Variants in PLEKHA6 observed in about 807,000 individuals in gnomAD.
PLEKHA6 encodes the protein pleckstrin homology domain-containing family A member 6.
In PLEKHA6, 60 loss-of-function variants were observed where a neutral mutation model predicts 116.7. That is an observed-to-expected ratio of 0.51 (90% CI 0.42 to 0.64). PLEKHA6 has a LOEUF of 0.64. PLEKHA6 is among the 30% of genes least tolerant of loss of function. PLEKHA6 has a pLI of 0.00. For synonymous variants in PLEKHA6, 489 were observed against 556.1 expected, an observed-to-expected ratio of 0.88 and a Z score of 1.70; for missense variants, 1,338 against 1,422.7, an observed-to-expected ratio of 0.94 and a Z score of 0.96.
intron 3 of PLEKHA6, among the ~76,000 whole-genome samples, chr1:204,268,578 CTTT>C (rs68190806): frequency 1.3e-4 from 18 of 136,628 alleles, no homozygotes; most frequent in South Asian, 2.3e-4. Context: ...GTCTCACAGC[CTTT>C]TTTTTTTTTT....
In PLEKHA6 at chr1:204,223,513, T is replaced by C; in HGVS notation, c.3104A>G (p.Glu1035Gly). ...GCTGCTGTCGGCGCCCCGTGGGGAT[T>C]CAGACGACAGGGGGTTTGCTGGAGG... Reference protein sequence around the residue: ...PAPPANPLSSESPRGADSSYT... With the variant: ...PAPPANPLSSGSPRGADSSYT... Residue 1035 changes from glutamate to glycine, a missense_variant, in exon 22 of 23, where the codon GAA becomes GGA. Transcript: ENST00000272203. This position sits in a 1 kb window ranked among gnomAD's most constrained non-coding sequence, Gnocchi z 4.8. 3 of 1,550,602 alleles carry C rather than the reference T, an allele frequency of 1.9e-6. No individual in the cohort carries two copies. Among genetic ancestry groups the C allele is most frequent in the Non-Finnish European group, 2.6e-6 (3 of 1,146,258 alleles).
At chr1:204,360,916 ATCTC>A (rs1291467152), upstream of PLEKHA6, among the ~76,000 whole-genome samples, 1 of 152,178 alleles carries the variant, frequency 6.6e-6, no homozygotes, top group Non-Finnish European at 1.5e-5. Flanking sequence ...CTTTATCCAC[ATCTC>A]TCTCAGTTTT....
intron 17 of PLEKHA6, among the ~76,000 whole-genome samples, chr1:204,240,143 G>C (rs540975499): frequency 3.2e-4 from 48 of 152,300 alleles, no homozygotes; most frequent in Non-Finnish European, 6.2e-4. Flanking sequence ...CTCCACAATG[G>C]AAATAAGGAG....
chr1:204,352,788 T>A (rs1455744987), intron 1 of PLEKHA6, among the ~76,000 whole-genome samples: 1 of 152,062 alleles, frequency 6.6e-6, no homozygotes. Flanking sequence ...AGTTTAAGAC[T>A]AGCCTGGGCA....
At chr1:204,295,405 G>A (rs759406550) in intron 1 of PLEKHA6, among the ~76,000 whole-genome samples, 3 of 151,582 alleles carry the variant, frequency 2.0e-5, no homozygotes, top group South Asian at 4.2e-4. Flanking sequence ...CAAGAGGATC[G>A]CTTGAATCCG....
In PLEKHA6 at chr1:204,250,486, C is replaced by G; in HGVS notation, c.1593+60G>C. The G allele has an allele frequency of 6.0e-6, 7 of 1,161,222 alleles. No individual in the cohort carries two copies. In the South Asian group the frequency reaches 7.5e-5, roughly 12 times the overall value. 71.9% of individuals were successfully genotyped at this position (1,161,222 alleles called of 1,614,324 possible). A position where few individuals can be genotyped will look rare whatever the true frequency, so the allele number is the denominator to read the frequency against. ...AGAGATGGATGGAGAGACAGCCCCC[C>G]GCAGAGGACAGCAGCAGGAGGCTGG... On this transcript the variant is annotated intron_variant, in intron 10 of 22. Transcript: ENST00000272203.
intron 6 of PLEKHA6, among the ~76,000 whole-genome samples, chr1:204,262,691 C>T (rs951909105): frequency 6.6e-6 from 1 of 152,180 alleles, no homozygotes; most frequent in African/African-American, 2.4e-5. Context: ...CCCACCTCGC[C>T]TCCACCTGTC....
chr1:204,234,138 T>C (rs1661609426), intron 17 of PLEKHA6, among the ~76,000 whole-genome samples: 1 of 152,140 alleles, frequency 6.6e-6, no homozygotes, highest in South Asian at 2.1e-4. Flanking sequence ...GGATGGGCCC[T>C]AAATTAAATG....
chr1:204,242,685 A>G (rs1419753315), intron 15 of PLEKHA6, among the ~76,000 whole-genome samples: 3 of 152,244 alleles, frequency 2.0e-5, no homozygotes, highest in South Asian at 2.1e-4. Context: ...ATGAAACCCA[A>G]CGAGGATACA....
chr1:204,265,912 G>C (rs969828230), intron 5 of PLEKHA6, among the ~76,000 whole-genome samples: 6 of 152,204 alleles, frequency 3.9e-5, no homozygotes, highest in East Asian at 3.8e-4. Context: ...TTGGGCCCCA[G>C]CTGGAAGCAG....
intron 1 of PLEKHA6, chr1:204,301,630 G>T (rs1034547040): frequency 3.4e-5 from 7 of 205,122 alleles, no homozygotes; most frequent in Admixed American, 2.0e-4. Context: ...CAGAGAGAAG[G>T]GGGGCTTGAG....
upstream of PLEKHA6, among the ~76,000 whole-genome samples, chr1:204,361,741 C>T (rs1673565033): frequency 6.6e-6 from 1 of 152,242 alleles, no homozygotes; most frequent in East Asian, 1.9e-4. Flanking sequence ...CAGGACTTGG[C>T]AAGGCTGCCA....
chr1:204,284,985 C>T (rs1410839098), intron 1 of PLEKHA6, among the ~76,000 whole-genome samples: 1 of 152,112 alleles, frequency 6.6e-6, no homozygotes, highest in Non-Finnish European at 1.5e-5. Flanking sequence ...TAAATTTGCA[C>T]CAAGTTGATA....
chr1:204,287,257 G>A (rs558248069), intron 1 of PLEKHA6, among the ~76,000 whole-genome samples: 52 of 147,164 alleles, frequency 3.5e-4, no homozygotes, highest in Middle Eastern at 3.4e-3. Context: ...TTTAAATCAC[G>A]TGGGCATTCA....
At chr1:204,375,989 G>T (rs1673862968) in intron 1 of PLEKHA6, among the ~76,000 whole-genome samples, 1 of 150,662 alleles carries the variant, frequency 6.6e-6, no homozygotes, top group Non-Finnish European at 1.5e-5. Flanking sequence ...TGAACTCCCT[G>T]GAGAGCATTA....
intron 17 of PLEKHA6, among the ~76,000 whole-genome samples, chr1:204,234,172 G>A (rs576780786): frequency 1.3e-5 from 2 of 152,304 alleles, no homozygotes; most frequent in African/African-American, 4.8e-5. Flanking sequence ...CATGGGGCAG[G>A]AAAGAAGACA....
At chr1:204,253,989 C>A (rs1202810218) in intron 9 of PLEKHA6, among the ~76,000 whole-genome samples, 1 of 152,234 alleles carries the variant, frequency 6.6e-6, no homozygotes, top group Non-Finnish European at 1.5e-5. Flanking sequence ...GGAAGGGACC[C>A]TGCTGTCTGC....
chr1:204,241,940 T>C, intron 15 of PLEKHA6, 126 bp from the exon 16 acceptor site: 1 of 1,058,432 alleles, frequency 9.4e-7, no homozygotes, highest in Non-Finnish European at 1.4e-6. Context: ...AACAAGGAAA[T>C]TCTATGTGTG....
Position 204,351,887 on chromosome 1 carries a change from A to C in PLEKHA6, c.-95+7807T>G, listed in dbSNP as rs114463310. Among the ~76,000 whole-genome samples the C allele has an allele frequency of 7.2e-3, 1,100 of 152,328 alleles. 10 individuals carry two copies. Among genetic ancestry groups the C allele is most frequent in the African/African-American group, 0.025 (1,050 of 41,576 alleles). On this transcript the variant is annotated intron_variant, in intron 1 of 22. Coordinates refer to ENST00000272203, the MANE Select transcript of PLEKHA6 (RefSeq NM_014935.5). ...TAAGTTATTAAGTTTCACCATGCCC[A>C]ACATGGTAAAAACTCATCTCTACTA...
Sources: allele counts gnomAD v4.1 joint callset (sites outside exome capture counted in the v4.1 genomes callset), GRCh38; gene constraint gnomAD v4.1.1; non-coding constraint Gnocchi (gnomAD v3.1); transcripts MANE v1.5; gene names NCBI Gene and HGNC (gene_info 2026-07-23, HGNC 2026-07-21).